RERE: variants seen among roughly 807,000 people sequenced by gnomAD.
RERE encodes arginine-glutamic acid dipeptide repeats, also known as arginine-glutamic acid dipeptide repeats protein.
A neutral mutation model predicts 146.1 loss-of-function variants in RERE; 40 were observed. The ratio of observed to expected loss-of-function variants is 0.27; its 90% confidence interval spans 0.21 to 0.36. The LOEUF is 0.36. Among genes scored for constraint, RERE ranks in the 10% least tolerant of loss-of-function variants. The probability of loss-of-function intolerance (pLI) is 1.00; values close to 1 mark genes in which losing one functional copy is unlikely to be tolerated. For synonymous variants in RERE, 1,003 were observed against 866.0 expected (o/e 1.16, Z -2.78); for missense variants, 1,933 against 2,138.7 (o/e 0.90, Z 1.90).
At chr1:8,730,778 C>T (rs1305096904) in intron 1 of RERE, among the ~76,000 whole-genome samples, 1 of 152,220 alleles carries the variant, frequency 6.6e-6, no homozygotes, top group Non-Finnish European at 1.5e-5. Flanking sequence ...CAGTGACCAG[C>T]CAGTTTCCCC....
intron 12 of RERE, among the ~76,000 whole-genome samples, chr1:8,411,853 G>A (rs1038865061): frequency 1.3e-5 from 2 of 152,048 alleles, no homozygotes; most frequent in African/African-American, 2.4e-5. Flanking sequence ...TTTACTTTGC[G>A]AAACTAGCCA....
chr1:8,614,903 C>T (rs573731777), intron 3 of RERE, among the ~76,000 whole-genome samples: 42 of 152,314 alleles, frequency 2.8e-4, no homozygotes, highest in African/African-American at 9.9e-4. Context: ...CCTTCTGGCT[C>T]CACACTTTAA....
At position 8,358,610 on chromosome 1, in the gene RERE, T is replaced by A; in HGVS notation, c.3925A>T (p.Ile1309Phe). 1 of 1,596,368 alleles carries A rather than the reference T, an allele frequency of 6.3e-7. No homozygotes were observed. The highest frequency in any genetic ancestry group is 8.5e-7 in the Non-Finnish European group (1 of 1,171,880). ...IRERELREREIREREIREREL... is the reference protein window; with the variant it reads ...IRERELREREFREREIREREL... The stretch of plus-strand genomic sequence containing the variant: ...CGCTCTCGGATCTCCCGCTCTCGGA[T>A]CTCCCGCTCCCGGAGCTCCCGCTCG... The change falls in exon 20 of 23, where the codon ATC (isoleucine) becomes TTC (phenylalanine). Residue 1309 changes from isoleucine to phenylalanine, a missense_variant. By Grantham distance (21) the Ile-to-Phe change is conservative. This residue lies in a region of RERE where 1,255 missense variants were observed against 1,153.8 expected (regional missense o/e 1.09). Transcript: ENST00000400908.
chr1:8,380,665 A>G (rs1642413994), intron 12 of RERE: 1 of 361,812 alleles, frequency 2.8e-6, no homozygotes, highest in South Asian at 2.1e-5. Flanking sequence ...GCTTTTTTAA[A>G]AGCTTGATTT....
At chr1:8,701,306 ACACACACACACACACACG>A (rs914627379) in intron 1 of RERE, among the ~76,000 whole-genome samples, 25 of 94,066 alleles carry the variant, frequency 2.7e-4, no homozygotes, top group East Asian at 4.3e-4. Context: ...ACACACACAC[ACACACACACACACACACG>A]CACACACTCC....
At chr1:8,772,471 T>C (rs953906936) in intron 1 of RERE, among the ~76,000 whole-genome samples, 10 of 152,048 alleles carry the variant, frequency 6.6e-5, no homozygotes, top group East Asian at 3.9e-4. Flanking sequence ...GGAAAATCAG[T>C]GTTTCCAAGA....
chr1:8,599,608 C>A (rs1003435688), intron 4 of RERE, among the ~76,000 whole-genome samples: 4 of 152,298 alleles, frequency 2.6e-5, no homozygotes, highest in Non-Finnish European at 4.4e-5. Flanking sequence ...TCACCGGCTA[C>A]TGACTAATTT....
chr1:8,771,396 C>A (rs1036012098), intron 1 of RERE, among the ~76,000 whole-genome samples: 1 of 151,824 alleles, frequency 6.6e-6, no homozygotes, highest in African/African-American at 2.4e-5. Context: ...TGATGGCGCA[C>A]ACCTGAGGTC....
In RERE at chr1:8,360,322, G is replaced by T. The variant is rs779071255; in HGVS notation, c.3185C>A (p.Pro1062His). ...GCAGGGTGGCTGGGCCGAGGTGCCA[G>T]GTCCCGCCGGTGGGGTAGAGGTGGA... ...CPSTSTPPAG[P>H]GTSAQPPCSG... is the part of the protein sequence containing the mutation. Residue 1062 changes from proline (P) to histidine (H), a missense_variant, in exon 18 of 23, where the codon CCT (proline) becomes CAT (histidine). Pro to His is a moderately conservative substitution (Grantham distance 77). Around this residue, in one of 11 missense-constraint regions of RERE, gnomAD observed 1,255 missense variants for 1,153.8 expected, o/e 1.09. Coordinates refer to ENST00000400908, the MANE Select transcript of RERE (RefSeq NM_001042681.2). 2.6e-6 allele frequency: 4 copies of T among 1,528,016 alleles called. No individual in the cohort carries two copies. Among genetic ancestry groups the T allele is most frequent in the Admixed American group, 4.0e-5 (2 of 49,698 alleles). 94.7% of individuals were successfully genotyped at this position (1,528,016 alleles called of 1,614,324 possible).
At chr1:8,501,106 C>T (rs373504570) in intron 8 of RERE, among the ~76,000 whole-genome samples, 5 of 114,756 alleles carry the variant, frequency 4.4e-5, no homozygotes, top group Admixed American at 2.4e-4. Context: ...GCCCGGCCGC[C>T]CCTACTGGGA....
chr1:8,406,167 G>A (rs1557614898), intron 12 of RERE, among the ~76,000 whole-genome samples: 1 of 152,024 alleles, frequency 6.6e-6, no homozygotes, highest in African/African-American at 2.4e-5. Context: ...GTGTGATCCC[G>A]GATCACTACG....
chr1:8,531,763 A>G (rs939492059), intron 7 of RERE, among the ~76,000 whole-genome samples: 1 of 152,194 alleles, frequency 6.6e-6, no homozygotes, highest in African/African-American at 2.4e-5. Flanking sequence ...TCCCCTCCCC[A>G]ATTATTACAG....
intron 1 of RERE, among the ~76,000 whole-genome samples, chr1:8,732,586 A>C (rs1450795246): frequency 6.6e-6 from 1 of 152,198 alleles, no homozygotes; most frequent in Non-Finnish European, 1.5e-5. Context: ...GTGGATAAGC[A>C]CATGACATTT....
chr1:8,721,995 A>G (rs964622049), intron 1 of RERE, among the ~76,000 whole-genome samples: 2 of 152,198 alleles, frequency 1.3e-5, no homozygotes, highest in African/African-American at 4.8e-5. Context: ...GCAACCCTAC[A>G]TCAGGGAAGT....
intron 4 of RERE, among the ~76,000 whole-genome samples, chr1:8,560,319 C>T (rs902181595): frequency 2.0e-5 from 3 of 152,166 alleles, no homozygotes; most frequent in African/African-American, 2.4e-5. Context: ...GTTCTGACAA[C>T]CAAAACTGTC....
At chr1:8,477,801 C>A (rs1250631270) in intron 10 of RERE, among the ~76,000 whole-genome samples, 2 of 152,128 alleles carry the variant, frequency 1.3e-5, no homozygotes, top group Admixed American at 1.3e-4. Flanking sequence ...ATGAGTGATT[C>A]TAAGGTTATG....
At chr1:8,763,716 G>A (rs528094828) in intron 1 of RERE, among the ~76,000 whole-genome samples, 25 of 152,096 alleles carry the variant, frequency 1.6e-4, no homozygotes, top group Non-Finnish European at 2.6e-4. Flanking sequence ...CGAGGCAGGC[G>A]GATCACGAGG....
At chr1:8,391,138 T>C (rs1307519086) in intron 12 of RERE, among the ~76,000 whole-genome samples, 1 of 152,166 alleles carries the variant, frequency 6.6e-6, no homozygotes, top group Non-Finnish European at 1.5e-5. Flanking sequence ...GTTACTTCCC[T>C]GTTTGAGATT....
At chr1:8,763,977 G>A (rs1390515885) in intron 1 of RERE, among the ~76,000 whole-genome samples, 2 of 151,268 alleles carry the variant, frequency 1.3e-5, no homozygotes, top group Admixed American at 6.6e-5. Flanking sequence ...AATTCAGGAA[G>A]TGAAGGTGCT....
Sources: gnomAD v4.1 joint callset for allele counts (sites outside exome capture counted in the v4.1 genomes callset) on GRCh38, gnomAD v4.1.1 for gene constraint, gnomAD v4.1.1 regional missense constraint, MANE v1.5 for transcripts, NCBI Gene and HGNC (gene_info 2026-07-23, HGNC 2026-07-21) for gene names.